The following PRRT1B variants were observed in gnomAD, a reference collection of about 807,000 sequenced individuals.
PRRT1B encodes the protein proline rich transmembrane protein 1B, also known as dispanin subfamily D member 2.
rs150936241 is a variant in PRRT1B at position 131,556,210 on chromosome 9, C to T, written c.639C>T (p.His213=). 265 of 400,638 alleles carry T rather than the reference C, an allele frequency of 6.6e-4. 1 individual carries two copies. Among genetic ancestry groups the T allele is most frequent in the African/African-American group, 4.8e-3 (234 of 48,760 alleles). The allele number at this position is 400,638 out of a possible 1,614,324, so 24.8% of individuals were successfully genotyped here. ...GTCTCATCGCCATCGTCTACTCCCA[C>T]GAGGTAGGTGCGGGGGCGGCCCTGG... The change falls in exon 3 of 4, where the codon CAC becomes CAT. Residue 213 remains histidine, a synonymous_variant. Transcript: ENST00000636672.
At chr9:131,552,094 T>G (rs1264164762) in intron 1 of PRRT1B, among the ~76,000 whole-genome samples, 1 of 152,212 alleles carries the variant, frequency 6.6e-6, no homozygotes, top group Non-Finnish European at 1.5e-5. Context: ...CATCCAGCCA[T>G]GTTCGCCTCT....
chr9:131,557,326 G>A (rs1452295791), intron 3 of PRRT1B, among the ~76,000 whole-genome samples: 1 of 152,182 alleles, frequency 6.6e-6, no homozygotes, highest in Non-Finnish European at 1.5e-5. Flanking sequence ...GTCACCTGAG[G>A]TCAGGAGTTC....
chr9:131,559,737 A>C (rs1180567974), downstream of PRRT1B, among the ~76,000 whole-genome samples: 1 of 152,212 alleles, frequency 6.6e-6, no homozygotes, highest in Admixed American at 6.5e-5. Flanking sequence ...GTGATGCTGA[A>C]GCTGGTACTC....
chr9:131,550,610 C>T (rs1951003841), intron 1 of PRRT1B, among the ~76,000 whole-genome samples: 2 of 152,256 alleles, frequency 1.3e-5, no homozygotes, highest in African/African-American at 4.8e-5. Flanking sequence ...CCTTCCTAGG[C>T]ATGGTCAGTG....
exon 2 of PRRT1B, chr9:131,554,734 G>T (rs1203007408): frequency 6.0e-6 from 2 of 332,544 alleles, no homozygotes; most frequent in East Asian, 4.6e-5. Context: ...GCCGCGGGGG[G>T]CAGCGAGCCC....
chr9:131,558,170 A>T, exon 4 of PRRT1B: 1 of 400,974 alleles, frequency 2.5e-6, no homozygotes. Context: ...CAGCTGGGTC[A>T]TCTACGTGGT....
At chr9:131,555,397 C>T (rs1038584214) in intron 2 of PRRT1B, among the ~76,000 whole-genome samples, 5 of 152,186 alleles carry the variant, frequency 3.3e-5, no homozygotes, top group South Asian at 4.1e-4. Context: ...CAAAACAGTC[C>T]GGGCACGGTG....
chr9:131,557,771 C>G (rs1353391893), intron 3 of PRRT1B, among the ~76,000 whole-genome samples: 1 of 152,212 alleles, frequency 6.6e-6, no homozygotes, highest in Non-Finnish European at 1.5e-5. Context: ...CCTTTGTTTC[C>G]ATATCTGCAA....
exon 2 of PRRT1B, chr9:131,554,739 G>A (rs1564417791): frequency 6.1e-6 from 2 of 328,984 alleles, no homozygotes; most frequent in Non-Finnish European, 1.1e-5. Context: ...GGGGGGCAGC[G>A]AGCCCGCCCC....
rs1951040795 is a variant in PRRT1B, at chr9:131,555,161, G to A, written c.498+132G>A. On this transcript the variant is annotated intron_variant, in intron 2 of 3. Transcript: ENST00000636672. ...GTCCGGGAGGCTCCCTGGAGGTGGG[G>A]GCATTTGAGCGGGGTTTTGGAGGAT... 1.1e-5 allele frequency: 4 copies of A among 380,198 alleles called. No homozygotes were observed. In the South Asian group the frequency reaches 5.8e-4, roughly 55 times the overall value. The allele number at this position is 380,198 out of a possible 1,614,324, so 23.6% of individuals were successfully genotyped here.
chr9:131,546,686 C>A (rs1421199639), intron 1 of PRRT1B, among the ~76,000 whole-genome samples: 1 of 150,742 alleles, frequency 6.6e-6, no homozygotes, highest in Admixed American at 6.6e-5. Flanking sequence ...GGAGCCCGGA[C>A]CCCCCTTCCC....
chr9:131,547,067 T>TTTTTTTTTG (rs1950981336), intron 1 of PRRT1B, among the ~76,000 whole-genome samples: 1 of 33,436 alleles, frequency 3.0e-5, no homozygotes, highest in African/African-American at 8.4e-5. Context: ...CCTGTTCGCT[T>TTTTTTTTTG]TTTTTTTTTT....
At chr9:131,546,694 C>T (rs1029200083) in intron 1 of PRRT1B, among the ~76,000 whole-genome samples, 1 of 149,874 alleles carries the variant, frequency 6.7e-6, no homozygotes, top group African/African-American at 2.4e-5. Context: ...GACCCCCCTT[C>T]CCAGCTGGAA....
Position 131,554,723 on chromosome 9 carries a change from G to T in PRRT1B, c.192G>T (p.Gly64=), listed in dbSNP as rs1588551365. ...AGGACGGGGCGCCCAGCGAGGACGG[G>T]GCCGCGGGGGGCAGCGAGCCCGCCC... The change falls in exon 2 of 4, where the codon GGG becomes GGT. Residue 64 remains glycine, a synonymous_variant. Coordinates refer to ENST00000636672, the Ensembl canonical transcript of PRRT1B. 4 of 342,282 alleles carry T rather than the reference G, an allele frequency of 1.2e-5. No individual in the cohort carries two copies. The East Asian group carries it at 1.8e-4, about 15-fold the overall frequency. The allele number at this position is 342,282 out of a possible 1,614,324, so 21.2% of individuals were successfully genotyped here. A position where few individuals can be genotyped will look rare whatever the true frequency, so the allele number is the denominator to read the frequency against.
exon 4 of PRRT1B, chr9:131,558,383 C>T: frequency 2.5e-6 from 1 of 394,144 alleles, no homozygotes; most frequent in Non-Finnish European, 4.5e-6. Flanking sequence ...GCCTCAGCCT[C>T]CTCAGCCTCC....
At chr9:131,555,377 T>C (rs7036006) in intron 2 of PRRT1B, among the ~76,000 whole-genome samples, 76,447 of 151,788 alleles carry the variant, frequency 0.5, 19,464 homozygotes, top group African/African-American at 0.54. Flanking sequence ...GATTAGATTT[T>C]CTTTAAAAAC....
rs952382122 is a variant in PRRT1B at position 131,551,573 on chromosome 9, C to A, written c.26-2984C>A. On this transcript the variant is annotated intron_variant, in intron 1 of 3. Coordinates refer to ENST00000636672, the Ensembl canonical transcript of PRRT1B. This position sits in a 1 kb window ranked among gnomAD's most constrained non-coding sequence, Gnocchi z 4.4. ...AGCTAAGCCATCATATCCCCTGTGA[C>A]CTGCATGTACACATCCAGGTGGCCG... Among the ~76,000 whole-genome samples, 12 of 152,292 alleles carry A rather than the reference C, an allele frequency of 7.9e-5. No homozygotes were observed. In the South Asian group the frequency reaches 1.5e-3, roughly 18 times the overall value.
rs139300091 is a variant in PRRT1B, at chr9:131,556,221, C to CG, written c.642+13dup. The CG allele has an allele frequency of 0.061, 24,439 of 400,850 alleles. 1,003 individuals are homozygous for CG. Among genetic ancestry groups the CG allele is most frequent in the Middle Eastern group, 0.18 (563 of 3,216 alleles). The allele number at this position is 400,850 out of a possible 1,614,324, so 24.8% of individuals were successfully genotyped here. On this transcript the variant is annotated intron_variant, in intron 3 of 3. Transcript: ENST00000636672. ...ATCGTCTACTCCCACGAGGTAGGTGCGGGGGCGGCCCTGGGCACAGCCTCT... is the reference window on the plus strand; with the variant it reads ...ATCGTCTACTCCCACGAGGTAGGTGCGGGGGGCGGCCCTGGGCACAGCCTCT...
chr9:131,558,157 T>C (rs1588552720), exon 4 of PRRT1B: 1 of 401,004 alleles, frequency 2.5e-6, no homozygotes. Context: ...TCTTCGTGTC[T>C]ACCAGCTGGG....
Sources: allele counts gnomAD v4.1 joint callset (sites outside exome capture counted in the v4.1 genomes callset), GRCh38; gene constraint gnomAD v4.1.1; non-coding constraint Gnocchi (gnomAD v3.1); transcripts MANE v1.5; gene names NCBI Gene and HGNC (gene_info 2026-07-23, HGNC 2026-07-21).